The following CRACR2A variants were observed in gnomAD, a reference collection of about 807,000 sequenced individuals.
CRACR2A encodes the protein EF-hand calcium-binding domain-containing protein 4B.
A neutral mutation model predicts 90.5 loss-of-function variants in CRACR2A; 79 were observed. That is an observed-to-expected ratio of 0.87 (90% CI 0.73 to 1.05). The LOEUF (loss-of-function observed/expected upper bound fraction) is 1.05, where lower values mean the gene tolerates loss of function less well. CRACR2A is among the 50% of genes least tolerant of loss of function. CRACR2A has a pLI of 0.00. For missense variants in CRACR2A, 823 were observed against 897.2 expected (o/e 0.92, Z 1.06); for synonymous variants, 338 against 356.7 (o/e 0.95, Z 0.59).
intron 4 of CRACR2A, among the ~76,000 whole-genome samples, chr12:3,696,531 C>T (rs1181471595): frequency 6.6e-6 from 1 of 152,150 alleles, no homozygotes; most frequent in African/African-American, 2.4e-5. Flanking sequence ...TCCCACAATC[C>T]TGGAGAGCTA....
chr12:3,723,085 T>C (rs371485625), intron 2 of CRACR2A, among the ~76,000 whole-genome samples: 13 of 152,244 alleles, frequency 8.5e-5, no homozygotes, highest in African/African-American at 2.7e-4. Context: ...AAACAATTCC[T>C]GGTGTAACTA....
intron 8 of CRACR2A, among the ~76,000 whole-genome samples, chr12:3,656,934 G>A (rs1206332906): frequency 6.6e-6 from 1 of 152,198 alleles, no homozygotes; most frequent in Non-Finnish European, 1.5e-5. Flanking sequence ...GTTCATATTT[G>A]CCCACTGTGA....
At chr12:3,703,042 A>G (rs997827031) in intron 3 of CRACR2A, among the ~76,000 whole-genome samples, 3 of 152,262 alleles carry the variant, frequency 2.0e-5, no homozygotes, top group Admixed American at 6.5e-5. Context: ...GATAAAGCAT[A>G]GATTTTTCCA....
In CRACR2A at chr12:3,697,057, G is replaced by C. The variant is rs143620853; in HGVS notation, c.-36-22C>G. The C allele has an allele frequency of 1.3e-3, 1,944 of 1,541,210 alleles. 4 individuals carry two copies. The highest frequency in any genetic ancestry group is 1.6e-3 in the Non-Finnish European group (1,864 of 1,140,786). On this transcript the variant is annotated intron_variant, in intron 3 of 19. Transcript: ENST00000440314. The stretch of plus-strand genomic sequence containing the variant: ...GAACCTGAACATAGAAAATGGGAGA[G>C]AGAAGTGGGTGTGGTGGGTTGGAGT...
intron 2 of CRACR2A, chr12:3,727,488 G>A (rs1370406264): frequency 6.6e-6 from 1 of 152,154 alleles, no homozygotes; most frequent in Admixed American, 6.5e-5. Flanking sequence ...ACAGACCTGC[G>A]CATGGGTTCC....
At chr12:3,744,981 AAAAC>A (rs892749221) in intron 1 of CRACR2A, among the ~76,000 whole-genome samples, 10 of 152,310 alleles carry the variant, frequency 6.6e-5, no homozygotes, top group South Asian at 2.1e-4. Context: ...TGAAGATCCA[AAAAC>A]AAACAAACAA....
chr12:3,737,192 G>T (rs1385151947), intron 1 of CRACR2A, among the ~76,000 whole-genome samples: 2 of 152,174 alleles, frequency 1.3e-5, no homozygotes, highest in African/African-American at 2.4e-5. Context: ...GGTCCACGGG[G>T]TGAATAGGAG....
chr12:3,647,844 C>CAGTGCTA, intron 11 of CRACR2A: 3 of 985,050 alleles, frequency 3.0e-6, no homozygotes, highest in Non-Finnish European at 3.6e-6. Context: ...AGGTGCTCAG[C>CAGTGCTA]AGGCAGTGAC....
At chr12:3,618,931 G>A (rs1348973632) in intron 18 of CRACR2A, among the ~76,000 whole-genome samples, 2 of 152,134 alleles carry the variant, frequency 1.3e-5, no homozygotes, top group African/African-American at 2.4e-5. Context: ...TCATCCCTGG[G>A]GGTGATCAAG....
chr12:3,742,113 T>C (rs1946536188), intron 1 of CRACR2A, among the ~76,000 whole-genome samples: 1 of 152,220 alleles, frequency 6.6e-6, no homozygotes, highest in East Asian at 1.9e-4. Flanking sequence ...TACCCAGGCC[T>C]AGGACATGGG....
chr12:3,711,023 G>T lies in CRACR2A; in HGVS notation c.-37+2214C>A, dbSNP rs946407345. Reference sequence around the variant, plus strand: ...TCCTTCTCACATGCAAAATACACTCGTTCCATTCCAACAGCCTCAAAAGTC... The same window carrying T: ...TCCTTCTCACATGCAAAATACACTCTTTCCATTCCAACAGCCTCAAAAGTC... On this transcript the variant is annotated intron_variant, in intron 3 of 19. Transcript: ENST00000440314. This position sits in a 1 kb window ranked among gnomAD's most constrained non-coding sequence, Gnocchi z 4.3. 1.3e-5 allele frequency among the ~76,000 whole-genome samples: 2 copies of T among 152,068 alleles called. No homozygotes were observed. Among genetic ancestry groups the T allele is most frequent in the Non-Finnish European group, 2.9e-5 (2 of 68,018 alleles).
At chr12:3,634,733 G>A (rs1490654122) in intron 14 of CRACR2A, among the ~76,000 whole-genome samples, 1 of 152,132 alleles carries the variant, frequency 6.6e-6, no homozygotes, top group Non-Finnish European at 1.5e-5. Flanking sequence ...ATAATGTAGT[G>A]GCAGGTGTAT....
chr12:3,656,620 A>T (rs1008330448), intron 8 of CRACR2A, among the ~76,000 whole-genome samples: 1 of 152,152 alleles, frequency 6.6e-6, no homozygotes, highest in African/African-American at 2.4e-5. Context: ...GTGAGGCAGG[A>T]TGCAAACTCC....
intron 7 of CRACR2A, among the ~76,000 whole-genome samples, chr12:3,662,309 G>A (rs1220046804): frequency 1.3e-5 from 2 of 152,358 alleles, no homozygotes; most frequent in African/African-American, 2.4e-5. Flanking sequence ...TTAAGGTGCT[G>A]TGCATACCAG....
chr12:3,741,971 G>A (rs1163885998), intron 1 of CRACR2A, among the ~76,000 whole-genome samples: 1 of 152,232 alleles, frequency 6.6e-6, no homozygotes, highest in Non-Finnish European at 1.5e-5. Flanking sequence ...CTGTCACTCT[G>A]CTAGTTAACA....
At chr12:3,730,605 G>C (rs1946346008) in intron 2 of CRACR2A, 1 of 152,092 alleles carries the variant, frequency 6.6e-6, no homozygotes, top group Admixed American at 6.5e-5. Context: ...CCATACAATG[G>C]GATACTATGC....
chr12:3,701,850 T>C (rs1945840127), intron 3 of CRACR2A, among the ~76,000 whole-genome samples: 1 of 152,000 alleles, frequency 6.6e-6, no homozygotes, highest in African/African-American at 2.4e-5. Flanking sequence ...ATACCAAAAC[T>C]GAATGAAGAT....
At chr12:3,693,284 T>A (rs1306844346) in intron 4 of CRACR2A, among the ~76,000 whole-genome samples, 1 of 152,200 alleles carries the variant, frequency 6.6e-6, no homozygotes, top group Non-Finnish European at 1.5e-5. Context: ...ACAGGAGCTA[T>A]GATGCGGGCC....
intron 18 of CRACR2A, among the ~76,000 whole-genome samples, chr12:3,617,796 C>T (rs1162855682): frequency 2.0e-5 from 3 of 152,172 alleles, no homozygotes; most frequent in African/African-American, 7.2e-5. Flanking sequence ...GAGGCTGATG[C>T]CCTGAGGGGA....
Sources: gnomAD v4.1 joint callset for allele counts (sites outside exome capture counted in the v4.1 genomes callset) on GRCh38, gnomAD v4.1.1 for gene constraint, Gnocchi (gnomAD v3.1) non-coding constraint, MANE v1.5 for transcripts, NCBI Gene and HGNC (gene_info 2026-07-23, HGNC 2026-07-21) for gene names.